IQCE: variants seen among roughly 807,000 people sequenced by gnomAD.
The protein encoded by IQCE is IQ motif containing E.
In IQCE, 115 loss-of-function variants were observed where a neutral mutation model predicts 96.0. The ratio of observed to expected loss-of-function variants is 1.20; its 90% CI spans 1.03 to 1.40. The LOEUF is 1.40. Among genes scored for constraint, IQCE ranks in the 40% most tolerant of loss-of-function variants. The pLI is 0.00. For missense variants in IQCE, 1,041 were observed against 909.1 expected (o/e 1.15, Z -1.87); for synonymous variants, 412 against 371.2 (o/e 1.11, Z -1.26).
At chr7:2,583,848 G>A (rs1782876681) in intron 10 of IQCE, 139 bp downstream of exon 10, 1 of 96,786 alleles carries the variant, frequency 1.0e-5, no homozygotes, top group Admixed American at 1.0e-4. Context: ...TGGGCGGCGG[G>A]GCGGAGGGCG....
rs1475845603 is a variant in IQCE, at chr7:2,583,619, C to T, written c.702-18C>T. ...GAACGCTGGCACATCCCTATTAACG[C>T]TGAACTTGGGTTTTCAGCAAACTCC... On this transcript the variant is annotated intron_variant, in intron 9 of 21. Transcript: ENST00000402050. The T allele has an allele frequency of 8.8e-6, 14 of 1,587,400 alleles. No homozygotes were observed. Among genetic ancestry groups the T allele is most frequent in the African/African-American group, 1.4e-5 (1 of 73,832 alleles).
intron 2 of IQCE, among the ~76,000 whole-genome samples, chr7:2,568,421 A>G (rs750143499): frequency 1.6e-4 from 25 of 152,158 alleles, no homozygotes; most frequent in Non-Finnish European, 2.8e-4. Flanking sequence ...ACCCCGTAGT[A>G]AGCAGTGGAA....
intron 16 of IQCE, among the ~76,000 whole-genome samples, chr7:2,595,579 G>A (rs1783964918): frequency 1.3e-5 from 2 of 152,224 alleles, no homozygotes; most frequent in Admixed American, 6.5e-5. Context: ...GCAGCTAGTC[G>A]CGGCGGCGTC....
chr7:2,605,777 TC>T (rs1784771428), intron 19 of IQCE, 98 bp from the exon 20 acceptor site: 4 of 1,281,496 alleles, frequency 3.1e-6, no homozygotes, highest in Non-Finnish European at 4.1e-6. Flanking sequence ...ACTGAGCTCT[TC>T]CTGTCTCCCT....
Position 2,587,710 on chromosome 7 carries a change from C to T in IQCE, c.989-112C>T. On this transcript the variant is annotated intron_variant, in intron 12 of 21. Coordinates refer to ENST00000402050, the MANE Select transcript of IQCE (RefSeq NM_152558.5). ...GGACCTGTCGGTGTGGCTCTGCAGCCCCGCAGGCTGCTCCGGCTGCGGAAG... is the reference window on the plus strand; with the variant it reads ...GGACCTGTCGGTGTGGCTCTGCAGCTCCGCAGGCTGCTCCGGCTGCGGAAG... 3 of 1,076,320 alleles carry T rather than the reference C, an allele frequency of 2.8e-6. No homozygotes were observed. In the South Asian group the frequency reaches 3.9e-5, roughly 14 times the overall value. 66.7% of individuals were successfully genotyped at this position (1,076,320 alleles called of 1,614,324 possible). A position where few individuals can be genotyped will look rare whatever the true frequency, so the allele number is the denominator to read the frequency against.
chr7:2,567,707 A>G (rs1051486180), intron 2 of IQCE, among the ~76,000 whole-genome samples: 1 of 152,230 alleles, frequency 6.6e-6, no homozygotes, highest in Non-Finnish European at 1.5e-5. Flanking sequence ...GTATGAGCGA[A>G]AAAAGCTTTT....
chr7:2,592,623 A>C (rs1783691311), intron 14 of IQCE, among the ~76,000 whole-genome samples: 1 of 152,236 alleles, frequency 6.6e-6, no homozygotes, highest in Non-Finnish European at 1.5e-5. Context: ...GTTCAGCTGG[A>C]GCCCCGCACA....
At chr7:2,559,368 G>A (rs1390025281) in intron 1 of IQCE, 151 bp downstream of exon 1, 1 of 358,434 alleles carries the variant, frequency 2.8e-6, no homozygotes, top group Non-Finnish European at 4.7e-6. Flanking sequence ...TATTGTTACC[G>A]CACAAGAGCG....
At position 2,559,024 on chromosome 7, in the gene IQCE, G is replaced by A. The variant is rs117666779; in HGVS notation, c.-158G>A. ...CAGGGGGAACGCAGGTCGCTTACCC[G>A]GCTGGGTAGGTCGGCGGCCTGGTTG... On this transcript the variant is annotated 5_prime_UTR_variant, in exon 1 of 22. Transcript: ENST00000402050. The A allele has an allele frequency of 3.7e-3, 1,337 of 363,862 alleles. 33 individuals are homozygous for A. The East Asian group carries it at 0.053, about 14-fold the overall frequency. The allele number at this position is 363,862 out of a possible 1,614,324, so 22.5% of individuals were successfully genotyped here.
At position 2,604,931 on chromosome 7, in the gene IQCE, G is replaced by A; in HGVS notation, c.1683G>A (p.Lys561=). 6.2e-7 allele frequency: 1 copy of A among 1,613,768 alleles called. No homozygotes were observed. Residue 561 remains lysine (K), a synonymous_variant, in exon 19 of 22, where the codon AAG becomes AAA. Transcript: ENST00000402050. ...TCAGGGGACATCTCACGCGGACAAA[G>A]CTCTTAGCAAGCAAAGCACATGGCT... ...AAFRGHLTRT[K]LLASKAHGSE...
intron 3 of IQCE, among the ~76,000 whole-genome samples, chr7:2,570,270 G>A (rs938074044): frequency 1.1e-4 from 17 of 151,948 alleles, no homozygotes; most frequent in Non-Finnish European, 1.6e-4. Flanking sequence ...CCCTGTCTCC[G>A]TCCTCTCTTC....
intron 3 of IQCE, 32 bp downstream of exon 3, chr7:2,569,031 C>G (rs373608047): frequency 1.9e-6 from 3 of 1,603,414 alleles, no homozygotes; most frequent in Non-Finnish European, 2.6e-6. Flanking sequence ...TTCCCTCTCA[C>G]GCCGACGTTC....
intron 4 of IQCE, 74 bp from the exon 5 acceptor site, chr7:2,572,118 A>G (rs1011593330): frequency 2.0e-6 from 3 of 1,483,848 alleles, no homozygotes; most frequent in African/African-American, 2.8e-5. Context: ...AATCCAGGAA[A>G]GTTGATTAGA....
chr7:2,607,608 A>G, intron 21 of IQCE: 3 of 1,128,476 alleles, frequency 2.7e-6, no homozygotes, highest in Non-Finnish European at 3.3e-6. Context: ...AGCCGCTGGC[A>G]CTGCAGGATG....
At chr7:2,592,722 C>T (rs557616317) in intron 14 of IQCE, among the ~76,000 whole-genome samples, 34 of 152,352 alleles carry the variant, frequency 2.2e-4, no homozygotes, top group African/African-American at 6.5e-4. Context: ...GTGCGAGGTC[C>T]GTGCCAATGA....
intron 3 of IQCE, among the ~76,000 whole-genome samples, chr7:2,569,953 G>A (rs1781643440): frequency 6.6e-6 from 1 of 152,160 alleles, no homozygotes. Context: ...CTTCCATGGA[G>A]AAAATTGAGA....
chr7:2,609,960 A>G, intron 21 of IQCE, 84 bp from the exon 22 acceptor site: 2 of 753,596 alleles, frequency 2.7e-6, no homozygotes, highest in East Asian at 5.0e-5. Context: ...CTGCCGGGGA[A>G]GAGCAGACAG....
chr7:2,592,152 C>T (rs562241973), intron 14 of IQCE, among the ~76,000 whole-genome samples: 3 of 152,348 alleles, frequency 2.0e-5, no homozygotes, highest in South Asian at 2.1e-4. Context: ...CGGCCAGCTA[C>T]GTTCTCTGCT....
chr7:2,591,852 T>C (rs1336973728), intron 14 of IQCE, among the ~76,000 whole-genome samples: 2 of 152,078 alleles, frequency 1.3e-5, no homozygotes, highest in African/African-American at 4.8e-5. Flanking sequence ...GAACTCCTGA[T>C]CTCAAGTGAT....
Sources: allele counts gnomAD v4.1 joint callset (sites outside exome capture counted in the v4.1 genomes callset), GRCh38; gene constraint gnomAD v4.1.1; transcripts MANE v1.5; gene names NCBI Gene and HGNC (gene_info 2026-07-23, HGNC 2026-07-21).